TRIO: variants seen among roughly 807,000 people sequenced by gnomAD.
The protein encoded by TRIO is trio Rho guanine nucleotide exchange factor, also known as triple functional domain protein.
Under a neutral mutation model 351.9 loss-of-function variants are expected in TRIO, and 58 were observed. The ratio of observed to expected loss-of-function variants is 0.16; its 90% CI spans 0.13 to 0.21. TRIO has a LOEUF of 0.21. Among genes scored for constraint, TRIO ranks in the 10% least tolerant of loss-of-function variants. TRIO has a pLI of 1.00. For missense variants in TRIO, 3,201 were observed against 4,027.8 expected (o/e 0.79, Z 5.56); for synonymous variants, 1,758 against 1,595.7 (o/e 1.10, Z -2.42).
At chr5:14,389,872 G>A (rs1459737218) in intron 25 of TRIO, among the ~76,000 whole-genome samples, 6 of 152,168 alleles carry the variant, frequency 3.9e-5, no homozygotes, top group South Asian at 4.1e-4. Context: ...TTAAAGCAGC[G>A]GCAGCAGAAG....
intron 8 of TRIO, among the ~76,000 whole-genome samples, chr5:14,307,193 C>T (rs1052763965): frequency 6.6e-6 from 1 of 152,166 alleles, no homozygotes; most frequent in Non-Finnish European, 1.5e-5. Flanking sequence ...AATTTCACTA[C>T]GTTGCTCCAC....
At chr5:14,262,626 A>C (rs1254024668) in intron 1 of TRIO, among the ~76,000 whole-genome samples, 1 of 152,158 alleles carries the variant, frequency 6.6e-6, no homozygotes, top group Non-Finnish European at 1.5e-5. Flanking sequence ...ACATGAGGGC[A>C]ATGCTGGCAG....
intron 47 of TRIO, among the ~76,000 whole-genome samples, 182 bp downstream of exon 47, chr5:14,485,428 T>C (rs1286175932): frequency 6.6e-6 from 1 of 152,214 alleles, no homozygotes; most frequent in East Asian, 1.9e-4. Context: ...AGTACTATTA[T>C]TATTCCTGCT....
Position 14,485,254 on chromosome 5 carries a change from G to C in TRIO, c.6835+8G>C. ...AGCGCAATTTTTTAAATGGTAATGT[G>C]TGTTCTGTTACTAGATGTGTGCTTT... On this transcript the variant is annotated splice_region_variant and intron_variant, in intron 47 of 56. Transcript: ENST00000344204. The C allele has an allele frequency of 2.5e-6, 4 of 1,572,572 alleles. No homozygotes were observed. Among genetic ancestry groups the C allele is most frequent in the Non-Finnish European group, 3.5e-6 (4 of 1,151,374 alleles).
At chr5:14,351,311 CCCTGGTTTTTATA>C (rs538056237) in intron 11 of TRIO, among the ~76,000 whole-genome samples, 5 of 152,282 alleles carry the variant, frequency 3.3e-5, no homozygotes, top group African/African-American at 1.2e-4. Context: ...CTGTTTTTAT[CCCTGGTTTTTATA>C]CCTGAAACTG....
intron 21 of TRIO, among the ~76,000 whole-genome samples, chr5:14,382,882 G>A (rs1746234785): frequency 6.8e-6 from 1 of 147,898 alleles, no homozygotes; most frequent in South Asian, 2.2e-4. Context: ...ATGGGATCTT[G>A]CTCTGTTACC....
At chr5:14,385,258 A>G (rs933124392) in intron 21 of TRIO, among the ~76,000 whole-genome samples, 2 of 152,156 alleles carry the variant, frequency 1.3e-5, no homozygotes, top group African/African-American at 4.8e-5. Context: ...CGGCAGCAGC[A>G]CTCAGGCACG....
At chr5:14,262,189 G>T (rs571591140) in intron 1 of TRIO, among the ~76,000 whole-genome samples, 1 of 152,178 alleles carries the variant, frequency 6.6e-6, no homozygotes, top group Non-Finnish European at 1.5e-5. Context: ...TAGGAACACC[G>T]AGAAGTCTTT....
At chr5:14,364,186 C>T (rs370001490) in intron 14 of TRIO, among the ~76,000 whole-genome samples, 5 of 152,274 alleles carry the variant, frequency 3.3e-5, no homozygotes, top group Admixed American at 1.3e-4. Context: ...TGTTGTATCT[C>T]TGTAAATGAA....
Position 14,280,361 on chromosome 5 carries a change from C to A in TRIO, c.272C>A (p.Pro91Gln). 6.2e-7 allele frequency: 1 copy of A among 1,614,018 alleles called. No individual in the cohort carries two copies. Among genetic ancestry groups the A allele is most frequent in the South Asian group, 1.1e-5 (1 of 91,070 alleles). The change falls in exon 3 of 57, where the codon CCG becomes CAG. Residue 91 changes from proline (P) to glutamine (Q), a missense_variant. Pro to Gln is a moderately conservative substitution (Grantham distance 76). Around this residue, in one of 19 missense-constraint regions of TRIO, gnomAD observed 109 missense variants for 134.6 expected, o/e 0.81. Transcript: ENST00000344204. The part of the protein sequence containing the change: ...DKRGGPILTF[P>Q]ARSNHDRIRQ... ...CGTGGAGGTCCCATTTTAACGTTTC[C>A]GGCCCGCAGCAATCATGACAGAATA...
chr5:14,162,326 G>A (rs1487791653), intron 1 of TRIO, among the ~76,000 whole-genome samples: 2 of 152,192 alleles, frequency 1.3e-5, no homozygotes, highest in Non-Finnish European at 2.9e-5. Flanking sequence ...TAGAGATATT[G>A]TGTAGTGTTG....
At chr5:14,203,751 T>A (rs1791285253) in intron 1 of TRIO, among the ~76,000 whole-genome samples, 3 of 152,118 alleles carry the variant, frequency 2.0e-5, no homozygotes, top group Admixed American at 2.0e-4. Context: ...CCCCTGGCAG[T>A]CACCTGCCCC....
At chr5:14,164,075 C>T (rs1788627504) in intron 1 of TRIO, among the ~76,000 whole-genome samples, 1 of 152,192 alleles carries the variant, frequency 6.6e-6, no homozygotes, top group Non-Finnish European at 1.5e-5. Context: ...GTTTCTGATG[C>T]CACTCAGCAG....
Position 14,397,168 on chromosome 5 carries a change from C to T in TRIO, c.4423+14C>T, listed in dbSNP as rs368713671. 1,119 of 1,587,130 alleles carry T rather than the reference C, an allele frequency of 7.1e-4. 1 individual carries two copies. The highest frequency in any genetic ancestry group is 9.3e-4 in the Non-Finnish European group (1,083 of 1,165,456). ...GCATGCTGGAAGGTAAAGGACCCTC[C>T]ATACCCCAGTGTGCATCTATGCAGT... On this transcript the variant is annotated intron_variant, in intron 29 of 56. Transcript: ENST00000344204.
rs1561544344 is a variant in TRIO, at chr5:14,485,065, T to A, written c.6658-4T>A. On this transcript the variant is annotated splice_polypyrimidine_tract_variant and splice_region_variant and intron_variant, in intron 46 of 56. Coordinates refer to ENST00000344204, the MANE Select transcript of TRIO (RefSeq NM_007118.4). ...ATTATGAATAATGTTTTTTTTTTTT[T>A]AAGGTGAGTTGCCTTTGCCTGGAGG... The A allele has an allele frequency of 1.3e-6, 2 of 1,525,662 alleles. No homozygotes were observed. Among genetic ancestry groups the A allele is most frequent in the Non-Finnish European group, 8.8e-7 (1 of 1,132,114 alleles). The allele number at this position is 1,525,662 out of a possible 1,614,324, so 94.5% of individuals were successfully genotyped here.
At chr5:14,380,636 A>G (rs1338506360) in intron 20 of TRIO, among the ~76,000 whole-genome samples, 1 of 152,234 alleles carries the variant, frequency 6.6e-6, no homozygotes, top group South Asian at 2.1e-4. Flanking sequence ...GTGGGAGTGT[A>G]AATTAGTTCA....
chr5:14,395,579 A>G (rs572147397), intron 28 of TRIO, among the ~76,000 whole-genome samples: 66 of 152,324 alleles, frequency 4.3e-4, no homozygotes, highest in Middle Eastern at 3.4e-3. Context: ...AGTGTTTGCC[A>G]TGCTGCTTAG....
At chr5:14,304,837 A>C (rs1161024588) in intron 8 of TRIO, among the ~76,000 whole-genome samples, 1 of 152,220 alleles carries the variant, frequency 6.6e-6, no homozygotes, top group Non-Finnish European at 1.5e-5. Flanking sequence ...CTCAGCTGCT[A>C]CAGTCAAGGA....
chr5:14,282,005 G>A (rs528757393), intron 3 of TRIO, among the ~76,000 whole-genome samples: 13 of 152,330 alleles, frequency 8.5e-5, no homozygotes, highest in Admixed American at 5.9e-4. Context: ...GGCTGGCTGT[G>A]GCTGATGGCA....
Sources: allele counts gnomAD v4.1 joint callset (sites outside exome capture counted in the v4.1 genomes callset), GRCh38; gene constraint gnomAD v4.1.1; regional missense constraint gnomAD v4.1.1; transcripts MANE v1.5; gene names NCBI Gene and HGNC (gene_info 2026-07-23, HGNC 2026-07-21).